KCNH1: variants seen among roughly 807,000 people sequenced by gnomAD.
The protein encoded by KCNH1 is voltage-gated delayed rectifier potassium channel KCNH1.
In KCNH1, 27 loss-of-function variants were observed where a neutral mutation model predicts 69.2. That is an observed-to-expected ratio of 0.39 (90% CI 0.29 to 0.54). The LOEUF is 0.54. Among genes scored for constraint, KCNH1 ranks in the 20% least tolerant of loss-of-function variants. The pLI is 0.68. For synonymous variants in KCNH1, 456 were observed against 487.7 expected, an observed-to-expected ratio of 0.93 and a Z score of 0.86; for missense variants, 798 against 1,261.6, an observed-to-expected ratio of 0.63 and a Z score of 5.57.
chr1:210,998,140 A>G (rs77614506), intron 6 of KCNH1, among the ~76,000 whole-genome samples: 5,995 of 152,298 alleles, frequency 0.039, 404 homozygotes, highest in African/African-American at 0.14. Context: ...TCACAATGAC[A>G]GGACCAAATA....
chr1:211,029,166 CAAAAAAAAAAAAA>C (rs34291308), intron 5 of KCNH1, among the ~76,000 whole-genome samples: 1 of 52,698 alleles, frequency 1.9e-5, no homozygotes, highest in Non-Finnish European at 3.8e-5. Context: ...CCCATCTCTA[CAAAAAAAAAAAAA>C]AAAAAAGGTC....
chr1:210,885,697 G>A (rs1349056094), intron 7 of KCNH1, among the ~76,000 whole-genome samples: 1 of 152,152 alleles, frequency 6.6e-6, no homozygotes, highest in African/African-American at 2.4e-5. Flanking sequence ...GGACACTTGA[G>A]CTTGGTAGGG....
rs975547675 is a variant in KCNH1, at chr1:210,897,767, C to T, written c.1462+21873G>A. ...AAGAGTGAAAAGCAAAACCAACCTT[C>T]GGACAGCTTCTTTTGCATTGTCTCC... On this transcript the variant is annotated intron_variant, in intron 7 of 10. Transcript: ENST00000271751. Among the ~76,000 whole-genome samples, 7 of 152,164 alleles carry T rather than the reference C, an allele frequency of 4.6e-5. No homozygotes were observed. In the East Asian group the frequency reaches 5.8e-4, roughly 13 times the overall value.
At chr1:210,777,534 G>T (rs1683885461) in intron 9 of KCNH1, among the ~76,000 whole-genome samples, 1 of 152,150 alleles carries the variant, frequency 6.6e-6, no homozygotes. Flanking sequence ...CTCTCTGTAG[G>T]ATGCTAACTG....
intron 7 of KCNH1, among the ~76,000 whole-genome samples, chr1:210,856,901 AAT>A (rs1685861490): frequency 7.2e-6 from 1 of 139,150 alleles, no homozygotes. Context: ...ATATATATAA[AAT>A]ACTCATGCCT....
chr1:211,018,726 C>G, intron 6 of KCNH1, 57 bp downstream of exon 6: 22 of 1,349,722 alleles, frequency 1.6e-5, no homozygotes, highest in Non-Finnish European at 2.3e-5. Context: ...GTTGACCACC[C>G]ACATTTAACT....
At chr1:211,011,239 G>T (rs761281044) in intron 6 of KCNH1, among the ~76,000 whole-genome samples, 2 of 152,040 alleles carry the variant, frequency 1.3e-5, no homozygotes, top group African/African-American at 4.8e-5. Flanking sequence ...TTGGTTTTCC[G>T]TTCCTGTGTT....
At chr1:211,050,161 T>C (rs2102439828) in intron 5 of KCNH1, among the ~76,000 whole-genome samples, 1 of 151,002 alleles carries the variant, frequency 6.6e-6, no homozygotes, top group East Asian at 1.9e-4. Context: ...TATATGTGTG[T>C]TTCTTTCCAT....
At chr1:210,952,048 G>T (rs1270340973) in intron 6 of KCNH1, among the ~76,000 whole-genome samples, 1 of 152,030 alleles carries the variant, frequency 6.6e-6, no homozygotes, top group African/African-American at 2.4e-5. Context: ...ACATCTTCCT[G>T]TGTGACATTT....
intron 6 of KCNH1, among the ~76,000 whole-genome samples, chr1:210,926,389 G>A (rs1427003424): frequency 6.6e-6 from 1 of 152,094 alleles, no homozygotes; most frequent in Non-Finnish European, 1.5e-5. Flanking sequence ...CACATCACAG[G>A]ACTCTTTGCC....
chr1:210,989,064 T>C (rs1688895540), intron 6 of KCNH1, among the ~76,000 whole-genome samples: 1 of 152,214 alleles, frequency 6.6e-6, no homozygotes, highest in Non-Finnish European at 1.5e-5. Context: ...TTTAGGTTGC[T>C]TTTCCACATA....
chr1:210,881,318 C>T (rs1440156783), intron 7 of KCNH1, among the ~76,000 whole-genome samples: 1 of 152,118 alleles, frequency 6.6e-6, no homozygotes, highest in Non-Finnish European at 1.5e-5. Flanking sequence ...AATAAGAAGA[C>T]ATCTTTACAC....
intron 6 of KCNH1, among the ~76,000 whole-genome samples, chr1:210,978,124 C>T (rs1031129718): frequency 6.6e-6 from 1 of 151,350 alleles, no homozygotes; most frequent in Non-Finnish European, 1.5e-5. Context: ...CTGCAAGCTC[C>T]GCCTCCCTGG....
chr1:210,830,353 A>G (rs1685131594), intron 7 of KCNH1, among the ~76,000 whole-genome samples: 1 of 152,202 alleles, frequency 6.6e-6, no homozygotes, highest in Non-Finnish European at 1.5e-5. Flanking sequence ...ATGCCTTCCT[A>G]AAGAAGCCCA....
At chr1:211,046,994 T>G (rs1190800539) in intron 5 of KCNH1, among the ~76,000 whole-genome samples, 1 of 152,200 alleles carries the variant, frequency 6.6e-6, no homozygotes, top group Non-Finnish European at 1.5e-5. Context: ...CAAGTAAAAT[T>G]TAATATTTTA....
At chr1:210,886,274 C>A (rs1347321122) in intron 7 of KCNH1, among the ~76,000 whole-genome samples, 1 of 152,164 alleles carries the variant, frequency 6.6e-6, no homozygotes, top group Non-Finnish European at 1.5e-5. Flanking sequence ...GGACCTCCAG[C>A]AAACTCCAGC....
chr1:210,986,086 T>C (rs1435172141), intron 6 of KCNH1, among the ~76,000 whole-genome samples: 1 of 152,234 alleles, frequency 6.6e-6, no homozygotes, highest in Non-Finnish European at 1.5e-5. Flanking sequence ...GTCTGTTTTA[T>C]CAGAGACTAG....
At chr1:210,897,340 G>T (rs892283836) in intron 7 of KCNH1, among the ~76,000 whole-genome samples, 2 of 152,166 alleles carry the variant, frequency 1.3e-5, no homozygotes, top group African/African-American at 4.8e-5. Flanking sequence ...GGGAGATAAT[G>T]GAGTGTCTGG....
At chr1:210,771,372 T>G (rs1683751249) in intron 10 of KCNH1, among the ~76,000 whole-genome samples, 1 of 152,146 alleles carries the variant, frequency 6.6e-6, no homozygotes, top group Non-Finnish European at 1.5e-5. Context: ...GCCAAAACAG[T>G]GGGCAAATGC....
Sources: allele counts gnomAD v4.1 joint callset (sites outside exome capture counted in the v4.1 genomes callset), GRCh38; gene constraint gnomAD v4.1.1; transcripts MANE v1.5; gene names NCBI Gene and HGNC (gene_info 2026-07-23, HGNC 2026-07-21).